ADGRB3: variants seen among roughly 807,000 people sequenced by gnomAD.
The protein encoded by ADGRB3 is brain-specific angiogenesis inhibitor 3.
In ADGRB3, 37 loss-of-function variants were observed where a neutral mutation model predicts 193.4. The observed-to-expected ratio is 0.19, with a 90% CI of 0.15 to 0.25. The LOEUF is 0.25. ADGRB3 is among the 10% of genes least tolerant of loss of function. ADGRB3 has a pLI of 1.00. For missense variants in ADGRB3, 1,637 were observed against 1,852.9 expected, an observed-to-expected ratio of 0.88 and a Z score of 2.14; for synonymous variants, 690 against 644.2, an observed-to-expected ratio of 1.07 and a Z score of -1.08.
chr6:69,083,771 C>CTTTTT (rs35483512), intron 17 of ADGRB3, among the ~76,000 whole-genome samples: 2 of 102,234 alleles, frequency 2.0e-5, no homozygotes, highest in Admixed American at 1.0e-4. Flanking sequence ...TTAACTGTTA[C>CTTTTT]TTTTTTTTTT....
chr6:68,885,476 G>A (rs1471580078), intron 3 of ADGRB3, among the ~76,000 whole-genome samples: 1 of 152,088 alleles, frequency 6.6e-6, no homozygotes, highest in Non-Finnish European at 1.5e-5. Flanking sequence ...ACACATACTT[G>A]TTTCTTTGTG....
At chr6:69,347,054 G>T (rs943749131) in intron 26 of ADGRB3, among the ~76,000 whole-genome samples, 1 of 152,138 alleles carries the variant, frequency 6.6e-6, no homozygotes, top group Non-Finnish European at 1.5e-5. Context: ...CATTTCCTTT[G>T]CAGGGACATG....
intron 3 of ADGRB3, among the ~76,000 whole-genome samples, chr6:68,658,057 A>G (rs2127285315): frequency 6.6e-6 from 1 of 151,568 alleles, no homozygotes; most frequent in South Asian, 2.1e-4. Flanking sequence ...CATAATCACA[A>G]TACTAATGAA....
At chr6:69,140,612 T>C (rs1582492560) in intron 17 of ADGRB3, among the ~76,000 whole-genome samples, 1 of 152,294 alleles carries the variant, frequency 6.6e-6, no homozygotes, top group Non-Finnish European at 1.5e-5. Context: ...CTATTGTCAA[T>C]AATAATTTAA....
intron 3 of ADGRB3, among the ~76,000 whole-genome samples, chr6:68,897,748 A>G (rs2150231758): frequency 2.9e-4 from 1 of 3,508 alleles, no homozygotes; most frequent in Middle Eastern, 0.038. Flanking sequence ...AGAGGAAGGA[A>G]GGGAGGGAGG....
intron 17 of ADGRB3, among the ~76,000 whole-genome samples, chr6:69,082,898 C>A (rs1439767224): frequency 1.3e-5 from 2 of 152,132 alleles, no homozygotes; most frequent in Non-Finnish European, 2.9e-5. Context: ...GTGCATTCCT[C>A]CAAAAACAAT....
intron 5 of ADGRB3, among the ~76,000 whole-genome samples, chr6:68,940,121 C>G (rs186569264): frequency 2.0e-5 from 3 of 152,192 alleles, no homozygotes; most frequent in Admixed American, 2.0e-4. Flanking sequence ...AGAATTTTTG[C>G]TTTGACATTG....
intron 3 of ADGRB3, among the ~76,000 whole-genome samples, chr6:68,665,846 A>G (rs1768788631): frequency 6.6e-6 from 1 of 151,840 alleles, no homozygotes; most frequent in Admixed American, 6.6e-5. Flanking sequence ...TCTTATGTTA[A>G]ATACTATAGT....
At chr6:69,316,334 A>G (rs771217299) in intron 20 of ADGRB3, among the ~76,000 whole-genome samples, 18 of 151,522 alleles carry the variant, frequency 1.2e-4, no homozygotes, top group Non-Finnish European at 2.4e-4. Flanking sequence ...ATTTAATAAG[A>G]CAGACTGATG....
At chr6:68,755,438 T>C (rs1430793024) in intron 3 of ADGRB3, among the ~76,000 whole-genome samples, 1 of 152,128 alleles carries the variant, frequency 6.6e-6, no homozygotes, top group African/African-American at 2.4e-5. Context: ...GATTCTGAAG[T>C]GAAGTGCAGT....
rs138280595 is a variant in ADGRB3, at chr6:68,936,353, G to A, written c.869-166G>A. ...GTTTGCATCAGCATTATATGCATTC[G>A]TCTTTAAACTTCATTTTCTCTGAAA... On this transcript the variant is annotated intron_variant, in intron 4 of 31. Transcript: ENST00000370598. Among the ~76,000 whole-genome samples the A allele has an allele frequency of 4.6e-5, 7 of 152,182 alleles. No individual in the cohort carries two copies. In the South Asian group the frequency reaches 6.2e-4, roughly 14 times the overall value.
At chr6:69,137,078 A>ATTTTTG (rs1193270145) in intron 17 of ADGRB3, among the ~76,000 whole-genome samples, 25 of 121,428 alleles carry the variant, frequency 2.1e-4, no homozygotes, top group South Asian at 5.3e-4. Context: ...TTTTTTTTTA[A>ATTTTTG]TGGTAAGATC....
intron 3 of ADGRB3, among the ~76,000 whole-genome samples, chr6:68,873,208 A>G (rs1269395930): frequency 3.3e-5 from 5 of 152,152 alleles, no homozygotes; most frequent in Non-Finnish European, 7.4e-5. Flanking sequence ...AGATGTCTTA[A>G]AATAGGTGGT....
At chr6:68,789,488 A>C (rs538730165) in intron 3 of ADGRB3, among the ~76,000 whole-genome samples, 3 of 152,068 alleles carry the variant, frequency 2.0e-5, no homozygotes, top group African/African-American at 7.2e-5. Flanking sequence ...TGGTCCCCAC[A>C]CTCTTCTGGC....
At chr6:68,664,060 T>C (rs1377038628) in intron 3 of ADGRB3, among the ~76,000 whole-genome samples, 2 of 151,832 alleles carry the variant, frequency 1.3e-5, no homozygotes, top group African/African-American at 2.4e-5. Context: ...GAGTCGAATA[T>C]GCTGAATGAT....
chr6:68,819,574 T>G (rs1175863846), intron 3 of ADGRB3, among the ~76,000 whole-genome samples: 1 of 151,998 alleles, frequency 6.6e-6, no homozygotes, highest in Non-Finnish European at 1.5e-5. Flanking sequence ...ACATCTTACA[T>G]ATATATGCAG....
intron 3 of ADGRB3, among the ~76,000 whole-genome samples, chr6:68,657,528 G>A (rs1768519279): frequency 1.3e-5 from 2 of 151,360 alleles, no homozygotes; most frequent in African/African-American, 2.4e-5. Flanking sequence ...GTCCTCCTCT[G>A]CAGGTGATAG....
At chr6:68,712,275 G>GA (rs1278474870) in intron 3 of ADGRB3, among the ~76,000 whole-genome samples, 1 of 151,754 alleles carries the variant, frequency 6.6e-6, no homozygotes, top group African/African-American at 2.4e-5. Flanking sequence ...TTTGGTGACT[G>GA]AAAAAAAGGC....
chr6:69,284,141 A>C (rs1362529442), intron 20 of ADGRB3, among the ~76,000 whole-genome samples: 5 of 152,214 alleles, frequency 3.3e-5, no homozygotes, highest in African/African-American at 1.2e-4. Context: ...TGTCAGAAAC[A>C]GAGTAGAATG....
Sources: allele counts gnomAD v4.1 joint callset (sites outside exome capture counted in the v4.1 genomes callset), GRCh38; gene constraint gnomAD v4.1.1; transcripts MANE v1.5; gene names NCBI Gene and HGNC (gene_info 2026-07-23, HGNC 2026-07-21).